Variants in HTR7 observed in about 807,000 individuals in gnomAD.
The protein encoded by HTR7 is 5-hydroxytryptamine receptor 7, also known as 5-HT-7.
In HTR7, 16 loss-of-function variants were observed where a neutral mutation model predicts 34.0. The observed-to-expected ratio is 0.47, with a 90% CI of 0.32 to 0.71. HTR7 has a LOEUF of 0.71. HTR7 is among the 30% of genes least tolerant of loss of function. The pLI, the probability that HTR7 is intolerant of heterozygous loss-of-function variation, is 0.04. For missense variants in HTR7, 504 were observed against 625.5 expected, an observed-to-expected ratio of 0.81 and a Z score of 2.07; for synonymous variants, 265 against 260.2, an observed-to-expected ratio of 1.02 and a Z score of -0.18.
At chr10:90,806,198 G>C (rs957758247) in intron 1 of HTR7, among the ~76,000 whole-genome samples, 6 of 152,178 alleles carry the variant, frequency 3.9e-5, no homozygotes, top group African/African-American at 1.2e-4. Context: ...GAAAAAATGA[G>C]ACAGATAAAA....
intron 1 of HTR7, among the ~76,000 whole-genome samples, chr10:90,844,652 G>A (rs1846383508): frequency 1.4e-5 from 2 of 145,534 alleles, no homozygotes; most frequent in Admixed American, 7.0e-5. Flanking sequence ...GCATGAACCC[G>A]GGAGGCGTAG....
Position 90,778,969 on chromosome 10 carries a change from T to C in HTR7, c.540-29375A>G, listed in dbSNP as rs528224119. ...GCCTTGTTCCTGCATAACCCCCAGC[T>C]GGTGTACCCCCATCAGGAGAAGAGA... On this transcript the variant is annotated intron_variant, in intron 1 of 3. Coordinates refer to ENST00000336152, the MANE Select transcript of HTR7 (RefSeq NM_019859.4). Among the ~76,000 whole-genome samples the C allele has an allele frequency of 4.6e-5, 7 of 152,298 alleles. No homozygotes were observed. The East Asian group carries it at 1.4e-3, about 29-fold the overall frequency.
intron 1 of HTR7, among the ~76,000 whole-genome samples, chr10:90,834,673 C>T (rs1324230969): frequency 6.6e-6 from 1 of 152,132 alleles, no homozygotes; most frequent in Non-Finnish European, 1.5e-5. Flanking sequence ...GGCCATGGGT[C>T]TCTCATTGTC....
chr10:90,848,069 C>CTTT (rs61675028), intron 1 of HTR7, among the ~76,000 whole-genome samples: 4 of 112,098 alleles, frequency 3.6e-5, no homozygotes, highest in African/African-American at 1.5e-4. Flanking sequence ...TCTCTTTGTT[C>CTTT]TTTTTTTTTT....
At chr10:90,810,313 C>T (rs1165658602) in intron 1 of HTR7, among the ~76,000 whole-genome samples, 1 of 152,094 alleles carries the variant, frequency 6.6e-6, no homozygotes, top group Admixed American at 6.5e-5. Context: ...CCCACCTTAA[C>T]CCACAAGTAT....
chr10:90,772,262 T>C (rs1253808862), intron 1 of HTR7, among the ~76,000 whole-genome samples: 1 of 152,182 alleles, frequency 6.6e-6, no homozygotes, highest in Non-Finnish European at 1.5e-5. Context: ...TTTATCCTCA[T>C]ATCCTTTTGA....
chr10:90,802,098 A>G (rs1405372209), intron 1 of HTR7, among the ~76,000 whole-genome samples: 3 of 152,142 alleles, frequency 2.0e-5, no homozygotes, highest in South Asian at 4.1e-4. Context: ...AGTCCATTTT[A>G]TGGTTCTGAC....
At chr10:90,779,831 C>T (rs1845277335) in intron 1 of HTR7, among the ~76,000 whole-genome samples, 1 of 152,224 alleles carries the variant, frequency 6.6e-6, no homozygotes, top group Admixed American at 6.5e-5. Context: ...TTGTGAGCGA[C>T]ACAAATGCCT....
intron 1 of HTR7, among the ~76,000 whole-genome samples, chr10:90,768,495 T>A (rs1241021395): frequency 6.6e-6 from 1 of 152,184 alleles, no homozygotes; most frequent in Non-Finnish European, 1.5e-5. Context: ...GTGCCCTTCA[T>A]CTTTTCTTTG....
intron 1 of HTR7, among the ~76,000 whole-genome samples, chr10:90,843,033 T>C (rs968048149): frequency 6.6e-5 from 10 of 152,196 alleles, no homozygotes; most frequent in African/African-American, 2.2e-4. Flanking sequence ...GAATGTCTTA[T>C]AGGAAGCTGC....
At chr10:90,831,327 C>T (rs1846170317) in intron 1 of HTR7, among the ~76,000 whole-genome samples, 1 of 151,922 alleles carries the variant, frequency 6.6e-6, no homozygotes, top group Non-Finnish European at 1.5e-5. Flanking sequence ...GGTTCATGGT[C>T]TCGCTGACTC....
chr10:90,755,155 T>C (rs1157822167), intron 1 of HTR7, among the ~76,000 whole-genome samples: 1 of 152,218 alleles, frequency 6.6e-6, no homozygotes, highest in Non-Finnish European at 1.5e-5. Context: ...ACTTACCACA[T>C]GAAGGGCTTT....
chr10:90,815,144 T>G (rs1229670536), intron 1 of HTR7, among the ~76,000 whole-genome samples: 1 of 151,846 alleles, frequency 6.6e-6, no homozygotes, highest in East Asian at 1.9e-4. Context: ...CAGGCTGAAG[T>G]GCGGTGGTGC....
chr10:90,804,380 C>T (rs2119936057), intron 1 of HTR7, among the ~76,000 whole-genome samples: 1 of 152,310 alleles, frequency 6.6e-6, no homozygotes, highest in South Asian at 2.1e-4. Flanking sequence ...CATCTTTGGA[C>T]AGCAAATACC....
intron 1 of HTR7, among the ~76,000 whole-genome samples, chr10:90,839,452 A>T (rs1193464819): frequency 6.6e-6 from 1 of 152,188 alleles, no homozygotes; most frequent in African/African-American, 2.4e-5. Flanking sequence ...ATGAAAAAAA[A>T]ACCATTTAAA....
At chr10:90,768,712 T>A (rs950692536) in intron 1 of HTR7, among the ~76,000 whole-genome samples, 1 of 152,226 alleles carries the variant, frequency 6.6e-6, no homozygotes, top group African/African-American at 2.4e-5. Context: ...ATTTATCCAG[T>A]AATAAATAAG....
At chr10:90,770,940 A>G (rs1845099414) in intron 1 of HTR7, among the ~76,000 whole-genome samples, 1 of 152,116 alleles carries the variant, frequency 6.6e-6, no homozygotes, top group Non-Finnish European at 1.5e-5. Context: ...AGACCCACCC[A>G]TGGCCACCCA....
intron 1 of HTR7, among the ~76,000 whole-genome samples, chr10:90,829,230 A>G (rs2120042790): frequency 6.6e-6 from 1 of 152,320 alleles, no homozygotes. Flanking sequence ...CAAAAAACTG[A>G]GTGTAGAAGG....
chr10:90,797,178 A>G (rs1047964883), intron 1 of HTR7, among the ~76,000 whole-genome samples: 1 of 151,914 alleles, frequency 6.6e-6, no homozygotes, highest in African/African-American at 2.4e-5. Flanking sequence ...GGTTTTTTTC[A>G]TTTTTATGTG....
Sources: allele counts gnomAD v4.1 joint callset (sites outside exome capture counted in the v4.1 genomes callset), GRCh38; gene constraint gnomAD v4.1.1; transcripts MANE v1.5; gene names NCBI Gene and HGNC (gene_info 2026-07-23, HGNC 2026-07-21).